The following PI4KA variants were observed in gnomAD, a reference collection of about 807,000 sequenced individuals.
The protein encoded by PI4KA is phosphatidylinositol 4-kinase alpha, also known as PI4-kinase alpha.
A neutral mutation model predicts 271.4 loss-of-function variants in PI4KA; 122 were observed. The ratio of observed to expected loss-of-function variants is 0.45; its 90% CI spans 0.39 to 0.52. The LOEUF (loss-of-function observed/expected upper bound fraction) is 0.52. Ranked by LOEUF, PI4KA falls within the 20% of genes least tolerant of loss-of-function variation. The pLI, the probability that PI4KA is intolerant of heterozygous loss-of-function variation, is 0.00. For missense variants in PI4KA, 1,969 were observed against 2,769.1 expected (o/e 0.71, Z 6.48); for synonymous variants, 1,041 against 1,078.8 (o/e 0.96, Z 0.69).
In PI4KA at chr22:20,858,758, C is replaced by G; in HGVS notation, c.-33G>C. ...CGAGCCGCGGCGCTGCCCGCCGGCT[C>G]CCCGCTCCTGGCCCGCGAGCGCCCG... On this transcript the variant is annotated 5_prime_UTR_variant, in exon 1 of 55. Transcript: ENST00000255882. 7.3e-7 allele frequency: 1 copy of G among 1,370,352 alleles called. No individual in the cohort carries two copies. The highest frequency in any genetic ancestry group is 9.4e-7 in the Non-Finnish European group (1 of 1,059,178). The allele number at this position is 1,370,352 out of a possible 1,614,324, so 84.9% of individuals were successfully genotyped here. A position where few individuals can be genotyped will look rare whatever the true frequency, so the allele number is the denominator to read the frequency against.
At chr22:20,799,408 G>T in intron 15 of PI4KA, 132 bp from the exon 16 acceptor site, 1 of 919,188 alleles carries the variant, frequency 1.1e-6, no homozygotes, top group Non-Finnish European at 1.6e-6. Context: ...GAAACTGACA[G>T]CCCAGGATTT....
intron 42 of PI4KA, chr22:20,725,409 A>T (rs2147219700): frequency 3.2e-6 from 1 of 309,996 alleles, no homozygotes; most frequent in Non-Finnish European, 7.0e-6. Context: ...TGTCCCTTCA[A>T]ATTCATATGT....
At chr22:20,770,879 C>G (rs1360912783) in intron 19 of PI4KA, among the ~76,000 whole-genome samples, 1 of 152,056 alleles carries the variant, frequency 6.6e-6, no homozygotes, top group African/African-American at 2.4e-5. Context: ...TTTAGAATTT[C>G]ATGTTAAAAG....
At chr22:20,819,475 C>A (rs564148685) in intron 6 of PI4KA, among the ~76,000 whole-genome samples, 166 bp downstream of exon 6, 10 of 152,042 alleles carry the variant, frequency 6.6e-5, no homozygotes, top group African/African-American at 2.4e-4. Context: ...GCCCTTCCCC[C>A]CAACATCTTA....
intron 3 of PI4KA, among the ~76,000 whole-genome samples, chr22:20,829,475 T>A (rs921567653): frequency 1.3e-5 from 2 of 151,468 alleles, no homozygotes; most frequent in Middle Eastern, 3.4e-3. Context: ...TGGGTTTTTT[T>A]ATTATTATTA....
rs773358343 is a variant in PI4KA, at chr22:20,729,907, T to C, written c.4393A>G (p.Ile1465Val). ...TYPLSSGMST[I>V]SKKSGMSKKT... ...TCCCACCGACCTGATTTCTTGGAGATGGTGGACATGCCGCTGGACAGGGGG... is the reference window on the plus strand; with the variant it reads ...TCCCACCGACCTGATTTCTTGGAGACGGTGGACATGCCGCTGGACAGGGGG... The change falls in exon 37 of 55, where the codon ATC (isoleucine) becomes GTC (valine). Residue 1465 changes from isoleucine to valine, a missense_variant. This residue lies in a region of PI4KA where 388 missense variants were observed against 521.5 expected (regional missense o/e 0.74). Transcript: ENST00000255882. The C allele has an allele frequency of 4.3e-6, 7 of 1,614,064 alleles. No individual in the cohort carries two copies. The highest frequency in any genetic ancestry group is 5.1e-6 in the Non-Finnish European group (6 of 1,180,034).
intron 39 of PI4KA, among the ~76,000 whole-genome samples, chr22:20,728,294 G>A (rs1270128081): frequency 1.3e-5 from 2 of 152,122 alleles, no homozygotes; most frequent in South Asian, 2.1e-4. Context: ...GCCAGGTGAC[G>A]GCTAAATGTT....
At chr22:20,739,365 A>C (rs1433467357) in intron 32 of PI4KA, among the ~76,000 whole-genome samples, 4 of 150,306 alleles carry the variant, frequency 2.7e-5, no homozygotes, top group Non-Finnish European at 5.9e-5. Context: ...AAAAAGCAAC[A>C]ACAAAAAAAG....
chr22:20,777,265 G>A (rs1933372855), intron 19 of PI4KA, among the ~76,000 whole-genome samples: 1 of 150,004 alleles, frequency 6.7e-6, no homozygotes, highest in African/African-American at 2.5e-5. Flanking sequence ...TGCCCAGGCT[G>A]GAGTGCAATG....
intron 14 of PI4KA, 64 bp from the exon 15 acceptor site, chr22:20,799,830 A>C: frequency 5.7e-6 from 6 of 1,058,756 alleles, no homozygotes; most frequent in Non-Finnish European, 8.3e-6. Context: ...TTTGTTTTTT[A>C]ATTTTTCCTT....
At chr22:20,774,915 G>A (rs540143682) in intron 19 of PI4KA, among the ~76,000 whole-genome samples, 3 of 152,218 alleles carry the variant, frequency 2.0e-5, no homozygotes, top group South Asian at 4.2e-4. Flanking sequence ...CAGGGCAAAG[G>A]TTCCAAAATT....
intron 28 of PI4KA, 45 bp downstream of exon 28, chr22:20,749,860 G>C (rs748538962): frequency 8.3e-7 from 1 of 1,211,968 alleles, no homozygotes; most frequent in Non-Finnish European, 1.2e-6. Flanking sequence ...TTTTTTGGGA[G>C]TTTGAAGGAG....
chr22:20,820,755 A>C, intron 4 of PI4KA, 144 bp from the exon 5 acceptor site: 3 of 628,862 alleles, frequency 4.8e-6, no homozygotes, highest in Non-Finnish European at 5.5e-6. Context: ...GACTGTGCCA[A>C]GTGGCCAACC....
chr22:20,810,970 C>T lies in PI4KA; in HGVS notation c.1068G>A (p.Met356Ile). 6.2e-7 allele frequency: 1 copy of T among 1,610,940 alleles called. No individual in the cohort carries two copies. Among genetic ancestry groups the T allele is most frequent in the South Asian group, 1.1e-5 (1 of 91,000 alleles). The change falls in exon 9 of 55, where the codon ATG becomes ATA. Residue 356 changes from methionine (M) to isoleucine (I), a missense_variant. By Grantham distance (10) the Met-to-Ile change is conservative. Coordinates refer to ENST00000255882, the MANE Select transcript of PI4KA (RefSeq NM_058004.4). Reference sequence around the variant, plus strand: ...AATGCCCTCAGAAGCGACATACCTCCATCACACTGGCTACAATGGCATCCA... The same window carrying T: ...AATGCCCTCAGAAGCGACATACCTCTATCACACTGGCTACAATGGCATCCA... Reference protein sequence around the residue: ...KSLDAIVASVMEANPSADLYY... With the variant: ...KSLDAIVASVIEANPSADLYY...
chr22:20,779,220 G>GAACC (rs760606918), intron 19 of PI4KA: 75 of 1,604,598 alleles, frequency 4.7e-5, no homozygotes, highest in Non-Finnish European at 6.2e-5. Context: ...AAGCCACAGG[G>GAACC]AACCTGCCAT....
rs544861232 is a variant in PI4KA, at chr22:20,834,667, TAAG to T, written c.274-15_274-13del. On this transcript the variant is annotated splice_polypyrimidine_tract_variant and intron_variant, in intron 2 of 54. Transcript: ENST00000255882. ...ACACAATCTTTGTGCTAAAAAATAA[TAAG>T]AAGAATAATAAATTAGATTTAATAA... is the stretch of plus-strand genomic sequence containing the variant. 455 of 1,504,742 alleles carry T rather than the reference TAAG, an allele frequency of 3.0e-4. 2 individuals are homozygous for T. The highest frequency in any genetic ancestry group is 4.0e-4 in the Non-Finnish European group (437 of 1,083,182). The allele number at this position is 1,504,742 out of a possible 1,614,324, so 93.2% of individuals were successfully genotyped here.
At chr22:20,749,154 A>G (rs1930411158) in intron 28 of PI4KA, among the ~76,000 whole-genome samples, 1 of 152,160 alleles carries the variant, frequency 6.6e-6, no homozygotes, top group African/African-American at 2.4e-5. Context: ...GTTTCTTGCC[A>G]CTGCGTTTCC....
chr22:20,793,225 TC>T lies in PI4KA; in HGVS notation c.2295del (p.Asn766ThrfsTer8). The T allele has an allele frequency of 6.3e-7, 1 of 1,579,464 alleles. No homozygotes were observed. The highest frequency in any genetic ancestry group is 8.7e-7 in the Non-Finnish European group (1 of 1,148,628). On this transcript the variant is annotated frameshift_variant, in exon 19 of 55. Transcript: ENST00000255882. LOFTEE classifies it high-confidence loss of function. ...GPALKASSSA[G>X]NLGVLIPVIA... is the part of the protein sequence containing the mutation. Reference sequence around the variant, plus strand: ...ATTACAGGAATGAGTACTCCCAAGTTCCCTGCACTGCTAGAAGCCTAGAAAA... The same window carrying T: ...ATTACAGGAATGAGTACTCCCAAGTTCCTGCACTGCTAGAAGCCTAGAAAA...
At chr22:20,763,444 C>CTT (rs546470127) in intron 22 of PI4KA, among the ~76,000 whole-genome samples, 2 of 143,482 alleles carry the variant, frequency 1.4e-5, no homozygotes, top group Non-Finnish European at 3.1e-5. Flanking sequence ...TTCTTTTTTT[C>CTT]TTTTTTTTTT....
Sources: allele counts gnomAD v4.1 joint callset (sites outside exome capture counted in the v4.1 genomes callset), GRCh38; gene constraint gnomAD v4.1.1; regional missense constraint gnomAD v4.1.1; transcripts MANE v1.5; gene names NCBI Gene and HGNC (gene_info 2026-07-23, HGNC 2026-07-21).